Variants in PCCA observed in about 807,000 individuals in gnomAD.
PCCA encodes propionyl-CoA carboxylase alpha chain, mitochondrial.
PCCA carries 74 observed loss-of-function variants against 101.3 expected under a neutral mutation model. The observed-to-expected ratio is 0.73, with a 90% CI of 0.61 to 0.89. PCCA has a LOEUF of 0.89. Ranked by LOEUF, PCCA falls within the 40% of genes least tolerant of loss-of-function variation. The pLI is 0.00. For synonymous variants in PCCA, 294 were observed against 313.6 expected (o/e 0.94, Z 0.66); for missense variants, 891 against 907.0 (o/e 0.98, Z 0.23).
At chr13:100,507,187 T>G (rs1476595537) in intron 21 of PCCA, among the ~76,000 whole-genome samples, 8 of 152,196 alleles carry the variant, frequency 5.3e-5, no homozygotes, top group Non-Finnish European at 1.0e-4. Context: ...ATGCACATGT[T>G]CTATTTTGTG....
intron 1 of PCCA, among the ~76,000 whole-genome samples, chr13:100,099,410 C>A (rs149292152): frequency 6.6e-6 from 1 of 151,012 alleles, no homozygotes; most frequent in African/African-American, 2.4e-5. Context: ...CTCTGCCTCC[C>A]GGGTTCACGC....
At chr13:100,217,138 T>C (rs1594774969) in intron 7 of PCCA, among the ~76,000 whole-genome samples, 2 of 148,112 alleles carry the variant, frequency 1.4e-5, no homozygotes, top group Non-Finnish European at 1.5e-5. Context: ...CAAGAGAATT[T>C]GAATCTATTT....
At chr13:100,139,967 C>T (rs2051667292) in intron 4 of PCCA, among the ~76,000 whole-genome samples, 1 of 151,822 alleles carries the variant, frequency 6.6e-6, no homozygotes, top group Admixed American at 6.6e-5. Context: ...AGATCCACCC[C>T]ACATATGTGT....
At chr13:100,308,846 A>G (rs1439972175) in intron 15 of PCCA, among the ~76,000 whole-genome samples, 2 of 152,216 alleles carry the variant, frequency 1.3e-5, no homozygotes, top group Non-Finnish European at 2.9e-5. Flanking sequence ...ATCACAATCT[A>G]TAGATTGGCT....
intron 4 of PCCA, among the ~76,000 whole-genome samples, chr13:100,150,062 G>C (rs2053111079): frequency 9.2e-6 from 1 of 109,238 alleles, no homozygotes; most frequent in South Asian, 3.3e-4. Context: ...ATTCAGTCTT[G>C]CTCTGTTGCC....
intron 7 of PCCA, among the ~76,000 whole-genome samples, chr13:100,211,741 C>T (rs1421600453): frequency 2.6e-5 from 4 of 151,672 alleles, no homozygotes; most frequent in Non-Finnish European, 5.9e-5. Context: ...TTTTCTTTTA[C>T]TATTATTATT....
chr13:100,289,538 T>G (rs1303272756), intron 12 of PCCA, among the ~76,000 whole-genome samples: 1 of 151,982 alleles, frequency 6.6e-6, no homozygotes, highest in Non-Finnish European at 1.5e-5. Flanking sequence ...TTTTATTTAT[T>G]TTATCTTATA....
chr13:100,470,386 T>C (rs1157535843), intron 21 of PCCA, among the ~76,000 whole-genome samples: 1 of 152,108 alleles, frequency 6.6e-6, no homozygotes, highest in Non-Finnish European at 1.5e-5. Flanking sequence ...CTCATCACAG[T>C]CATTCCCAAG....
At chr13:100,254,501 G>A (rs1381764172) in intron 8 of PCCA, among the ~76,000 whole-genome samples, 3 of 152,106 alleles carry the variant, frequency 2.0e-5, no homozygotes, top group African/African-American at 7.2e-5. Context: ...GATTTTTCCA[G>A]GAATGCCAAC....
Position 100,089,140 on chromosome 13 carries a change from G to C in PCCA, c.20G>C (p.Gly7Ala), listed in dbSNP as rs1283043748. 1 of 1,522,318 alleles carries C rather than the reference G, an allele frequency of 6.6e-7. No individual in the cohort carries two copies. The highest frequency in any genetic ancestry group is 8.8e-7 in the Non-Finnish European group (1 of 1,135,328). 94.3% of individuals were successfully genotyped at this position (1,522,318 alleles called of 1,614,324 possible). A position where few individuals can be genotyped will look rare whatever the true frequency, so the allele number is the denominator to read the frequency against. MAGFWVGTAPLVAAGRR... is the reference protein window; with the variant it reads MAGFWVATAPLVAAGRR... ...ACAACAATGGCGGGGTTCTGGGTCG[G>C]GACAGCACCGCTGGTCGCTGCCGGA... Residue 7 changes from glycine to alanine, a missense_variant, in exon 1 of 24, where the codon GGG becomes GCG. Transcript: ENST00000376285.
chr13:100,298,297 C>T (rs776571637), intron 12 of PCCA, among the ~76,000 whole-genome samples: 8 of 152,096 alleles, frequency 5.3e-5, no homozygotes, highest in East Asian at 1.9e-4. Context: ...GGAAGTGCTG[C>T]GCAAGGCCCT....
intron 10 of PCCA, among the ~76,000 whole-genome samples, chr13:100,265,017 GCCTT>G (rs1453295294): frequency 3.9e-5 from 6 of 152,058 alleles, no homozygotes; most frequent in Admixed American, 3.9e-4. Context: ...TTTCATCCTT[GCCTT>G]CCTTTTTCAA....
rs114999284 is a variant in PCCA at position 100,192,957 on chromosome 13, A to G, written c.469-16375A>G. 1.6e-3 allele frequency among the ~76,000 whole-genome samples: 238 copies of G among 152,298 alleles called. 1 individual carries two copies. The highest frequency in any genetic ancestry group is 5.5e-3 in the African/African-American group (230 of 41,568). ...GTGTTGTTGTTTGTTCTACTAGACT[A>G]TAAACTCTTGAGTGTGAAAACCATG... On this transcript the variant is annotated intron_variant, in intron 6 of 23. Coordinates refer to ENST00000376285, the MANE Select transcript of PCCA (RefSeq NM_000282.4).
chr13:100,115,797 T>C (rs1271437916), intron 4 of PCCA, among the ~76,000 whole-genome samples: 1 of 152,182 alleles, frequency 6.6e-6, no homozygotes, highest in Non-Finnish European at 1.5e-5. Flanking sequence ...TTTTAGAGAC[T>C]TTTCACCACT....
At chr13:100,210,008 G>A (rs1453166705) in intron 7 of PCCA, among the ~76,000 whole-genome samples, 2 of 151,942 alleles carry the variant, frequency 1.3e-5, no homozygotes, top group East Asian at 1.9e-4. Flanking sequence ...AGGCTGGAGT[G>A]CAGTGGTGCA....
At position 100,425,626 on chromosome 13, in the gene PCCA, A is replaced by G. The variant is rs780640978; in HGVS notation, c.1747-7A>G. ...CATGGTAATGGTCTTATTTGGTGTC[A>G]CAACAGGTGGAAGTTGATGGGTCGA... On this transcript the variant is annotated splice_polypyrimidine_tract_variant and splice_region_variant and intron_variant, in intron 19 of 23. Coordinates refer to ENST00000376285, the MANE Select transcript of PCCA (RefSeq NM_000282.4). 6.2e-7 allele frequency: 1 copy of G among 1,601,370 alleles called. No individual in the cohort carries two copies. Among genetic ancestry groups the G allele is most frequent in the African/African-American group, 1.3e-5 (1 of 74,848 alleles).
At chr13:100,258,720 A>G (rs1441301031) in intron 9 of PCCA, among the ~76,000 whole-genome samples, 4 of 152,300 alleles carry the variant, frequency 2.6e-5, no homozygotes, top group African/African-American at 9.6e-5. Context: ...ACAGCTTAAT[A>G]TTTTGAGAAA....
chr13:100,179,745 TTG>T (rs60348261), intron 6 of PCCA, among the ~76,000 whole-genome samples: 4,803 of 93,856 alleles, frequency 0.051, 248 homozygotes, highest in African/African-American at 0.12. Flanking sequence ...GTGTGTGTGT[TTG>T]TGTGTGTGTG....
intron 21 of PCCA, chr13:100,491,148 TG>T (rs2084877119): frequency 6.6e-6 from 1 of 152,382 alleles, no homozygotes; most frequent in South Asian, 2.1e-4. Flanking sequence ...CTCATGTGAT[TG>T]GTTTGTGTGC....
Sources: allele counts gnomAD v4.1 joint callset (sites outside exome capture counted in the v4.1 genomes callset), GRCh38; gene constraint gnomAD v4.1.1; transcripts MANE v1.5; gene names NCBI Gene and HGNC (gene_info 2026-07-23, HGNC 2026-07-21).